ATP9A: variants seen among roughly 807,000 people sequenced by gnomAD.
ATP9A encodes ATPase phospholipid transporting 9A.
A neutral mutation model predicts 144.1 loss-of-function variants in ATP9A; 52 were observed. The observed-to-expected ratio is 0.36, with a 90% CI of 0.29 to 0.45. ATP9A has a LOEUF of 0.45. ATP9A is among the 20% of genes least tolerant of loss of function. The pLI, the probability that ATP9A is intolerant of heterozygous loss-of-function variation, is 1.00. For synonymous variants in ATP9A, 582 were observed against 557.4 expected (o/e 1.04, Z -0.62); for missense variants, 947 against 1,392.7 (o/e 0.68, Z 5.09).
At position 51,715,090 on chromosome 20, in the gene ATP9A, C is replaced by T. The variant is rs866706047; in HGVS notation, c.328-2016G>A. The stretch of plus-strand genomic sequence containing the variant: ...ACAGTTATTTTTTAAATACAGTCAG[C>T]ATAACCACCCAAGGGTTAGCAGTTG... On this transcript the variant is annotated intron_variant, in intron 3 of 27. Coordinates refer to ENST00000338821, the MANE Select transcript of ATP9A (RefSeq NM_006045.3). Among the ~76,000 whole-genome samples the T allele has an allele frequency of 2.0e-5, 3 of 152,300 alleles. No homozygotes were observed. The South Asian group carries it at 6.2e-4, about 32-fold the overall frequency.
chr20:51,702,568 T>A (rs1032741950), intron 4 of ATP9A, among the ~76,000 whole-genome samples: 7 of 151,900 alleles, frequency 4.6e-5, no homozygotes, highest in Non-Finnish European at 8.8e-5. Context: ...GACTAAAATG[T>A]CCCTCTCCAA....
chr20:51,657,359 G>A (rs1448377801), intron 13 of ATP9A, among the ~76,000 whole-genome samples: 1 of 151,956 alleles, frequency 6.6e-6, no homozygotes, highest in Non-Finnish European at 1.5e-5. Flanking sequence ...AAAAGAGACA[G>A]AGGAAAAAAA....
chr20:51,736,483 GTTACTCT>G (rs994213378), intron 1 of ATP9A, among the ~76,000 whole-genome samples: 9 of 146,060 alleles, frequency 6.2e-5, no homozygotes, highest in African/African-American at 2.0e-4. Flanking sequence ...TCACATTGTA[GTTACTCT>G]TATTTTTTTT....
chr20:51,637,731 G>T (rs2077298777), intron 15 of ATP9A, among the ~76,000 whole-genome samples: 2 of 151,386 alleles, frequency 1.3e-5, no homozygotes, highest in Non-Finnish European at 2.9e-5. Flanking sequence ...AGGTTTTTGG[G>T]GAACACATGG....
chr20:51,684,237 T>A (rs2077512459), intron 9 of ATP9A, among the ~76,000 whole-genome samples: 1 of 152,058 alleles, frequency 6.6e-6, no homozygotes, highest in Non-Finnish European at 1.5e-5. Context: ...AAACTTTAGT[T>A]CCAAAAAACA....
chr20:51,728,959 A>T (rs754143007), intron 2 of ATP9A, among the ~76,000 whole-genome samples: 10 of 152,202 alleles, frequency 6.6e-5, no homozygotes, highest in Non-Finnish European at 1.5e-4. Flanking sequence ...ATTTATGTGC[A>T]TGTTGGGGAG....
At chr20:51,753,503 A>G (rs978695906) in intron 1 of ATP9A, among the ~76,000 whole-genome samples, 1 of 152,078 alleles carries the variant, frequency 6.6e-6, no homozygotes. Flanking sequence ...CACGTTCTAC[A>G]TGGTTCCTAG....
At chr20:51,628,378 C>T (rs945662700) in intron 16 of ATP9A, among the ~76,000 whole-genome samples, 10 of 152,286 alleles carry the variant, frequency 6.6e-5, no homozygotes, top group South Asian at 4.1e-4. Flanking sequence ...CTGGTATAAT[C>T]GCCTACCCTT....
At chr20:51,642,683 G>T (rs1374173063) in intron 14 of ATP9A, among the ~76,000 whole-genome samples, 5 of 115,504 alleles carry the variant, frequency 4.3e-5, no homozygotes, top group Non-Finnish European at 8.1e-5. Flanking sequence ...CTGAAACCAT[G>T]CCACTGCACT....
chr20:51,648,729 G>A (rs1355364938), intron 14 of ATP9A, among the ~76,000 whole-genome samples: 2 of 152,168 alleles, frequency 1.3e-5, no homozygotes, highest in Non-Finnish European at 2.9e-5. Context: ...CTACTTGGAA[G>A]GCTGAGGCGG....
At chr20:51,623,300 T>A (rs1363108226) in intron 18 of ATP9A, among the ~76,000 whole-genome samples, 2 of 152,060 alleles carry the variant, frequency 1.3e-5, no homozygotes, top group Non-Finnish European at 2.9e-5. Context: ...CAGAAAAGCA[T>A]GAAAAGAACG....
intron 13 of ATP9A, among the ~76,000 whole-genome samples, chr20:51,660,901 G>GAGGC (rs2077407817): frequency 6.6e-6 from 1 of 152,222 alleles, no homozygotes; most frequent in Non-Finnish European, 1.5e-5. Context: ...GGCATCCACA[G>GAGGC]AGGCAGGTTA....
intron 2 of ATP9A, 36 bp from the exon 3 acceptor site, chr20:51,725,968 G>C: frequency 1.6e-6 from 2 of 1,229,910 alleles, no homozygotes; most frequent in African/African-American, 3.0e-5. Context: ...AAGACATTCA[G>C]GGCTTGTCTG....
At position 51,738,854 on chromosome 20, in the gene ATP9A, G is replaced by A. The variant is rs140275710; in HGVS notation, c.69-8876C>T. ...TCCCAGCACTTTGGGAGGCCAAGGC[G>A]GGTAGATCACTTGAGGTAGGAGTTC... On this transcript the variant is annotated intron_variant, in intron 1 of 27. Coordinates refer to ENST00000338821, the MANE Select transcript of ATP9A (RefSeq NM_006045.3). Among the ~76,000 whole-genome samples the A allele has an allele frequency of 9.4e-3, 1,426 of 152,290 alleles. 17 individuals carry two copies. The highest frequency in any genetic ancestry group is 0.032 in the African/African-American group (1,341 of 41,558).
chr20:51,729,777 CA>C, intron 2 of ATP9A, 56 bp downstream of exon 2: 1 of 1,485,784 alleles, frequency 6.7e-7, no homozygotes, highest in Non-Finnish European at 9.0e-7. Context: ...ACATCTGTAC[CA>C]ATGCATGTAT....
intron 18 of ATP9A, among the ~76,000 whole-genome samples, chr20:51,624,150 G>A (rs945163955): frequency 2.0e-5 from 3 of 152,168 alleles, no homozygotes; most frequent in Admixed American, 6.5e-5. Context: ...TCCTTATGAC[G>A]AACCAGGCCT....
chr20:51,722,583 T>C (rs1291719422), intron 3 of ATP9A, among the ~76,000 whole-genome samples: 31 of 151,994 alleles, frequency 2.0e-4, no homozygotes, highest in Non-Finnish European at 2.9e-5. Context: ...CCAACAAACA[T>C]ATGAAAAAAT....
chr20:51,671,887 C>T (rs950999749), intron 11 of ATP9A, among the ~76,000 whole-genome samples: 1 of 152,158 alleles, frequency 6.6e-6, no homozygotes, highest in African/African-American at 2.4e-5. Context: ...CAACCTTTGC[C>T]TCCCGGGTTC....
At chr20:51,636,316 C>A (rs867358352) in intron 15 of ATP9A, among the ~76,000 whole-genome samples, 1 of 152,138 alleles carries the variant, frequency 6.6e-6, no homozygotes, top group South Asian at 2.1e-4. Flanking sequence ...TGGCACACAA[C>A]TTAAAACTTA....
Sources: gnomAD v4.1 joint callset for allele counts (sites outside exome capture counted in the v4.1 genomes callset) on GRCh38, gnomAD v4.1.1 for gene constraint, MANE v1.5 for transcripts, NCBI Gene and HGNC (gene_info 2026-07-23, HGNC 2026-07-21) for gene names.